UNC5D: variants seen among roughly 807,000 people sequenced by gnomAD.
UNC5D encodes the protein unc-5 netrin receptor D, also known as netrin receptor UNC5D.
UNC5D carries 39 observed loss-of-function variants against 105.4 expected under a neutral mutation model. That is an observed-to-expected ratio of 0.37 (90% confidence interval 0.29 to 0.48). The LOEUF is 0.48. Among genes scored for constraint, UNC5D ranks in the 20% least tolerant of loss-of-function variants. UNC5D has a pLI of 0.98. For missense variants in UNC5D, 991 were observed against 1,202.4 expected (o/e 0.82, Z 2.60); for synonymous variants, 452 against 450.4 (o/e 1.00, Z -0.04).
intron 2 of UNC5D, among the ~76,000 whole-genome samples, chr8:35,567,192 T>C (rs1817409733): frequency 6.6e-6 from 1 of 152,144 alleles, no homozygotes; most frequent in East Asian, 1.9e-4. Flanking sequence ...CTCATACCAT[T>C]GCTATGGGGG....
At chr8:35,745,255 T>A (rs1829944771) in intron 11 of UNC5D, among the ~76,000 whole-genome samples, 1 of 152,078 alleles carries the variant, frequency 6.6e-6, no homozygotes, top group Non-Finnish European at 1.5e-5. Flanking sequence ...TCAGTAGATG[T>A]CAGTTAAGCA....
intron 8 of UNC5D, among the ~76,000 whole-genome samples, chr8:35,715,043 C>T (rs530347728): frequency 2.0e-5 from 3 of 152,154 alleles, no homozygotes; most frequent in East Asian, 1.9e-4. Flanking sequence ...TCCAGCTGCT[C>T]GGGAGGCTGA....
chr8:35,548,141 A>G (rs184348625), intron 1 of UNC5D, among the ~76,000 whole-genome samples: 299 of 152,256 alleles, frequency 2.0e-3, no homozygotes, highest in African/African-American at 6.8e-3. Context: ...TCAAATGTTA[A>G]TTTGACATTT....
intron 3 of UNC5D, among the ~76,000 whole-genome samples, chr8:35,588,789 C>A (rs1440187954): frequency 1.3e-5 from 2 of 152,094 alleles, no homozygotes; most frequent in African/African-American, 4.8e-5. Flanking sequence ...GACTGTAATC[C>A]CAGCACTTTG....
chr8:35,650,724 G>A (rs914421864), intron 4 of UNC5D, among the ~76,000 whole-genome samples: 5 of 152,092 alleles, frequency 3.3e-5, no homozygotes, highest in Middle Eastern at 3.4e-3. Context: ...CGCCCACCTC[G>A]GCCTCCCAAA....
At chr8:35,345,337 GA>G (rs777977990) in intron 1 of UNC5D, among the ~76,000 whole-genome samples, 1 of 151,538 alleles carries the variant, frequency 6.6e-6, no homozygotes, top group Admixed American at 6.6e-5. Flanking sequence ...CAGAAATGTG[GA>G]AAAAAAAGTG....
chr8:35,373,577 A>AAGCTG (rs1469875945), intron 1 of UNC5D, among the ~76,000 whole-genome samples: 1 of 152,168 alleles, frequency 6.6e-6, no homozygotes, highest in Admixed American at 6.5e-5. Context: ...TGGTGCGATA[A>AAGCTG]AGCTGACAAT....
chr8:35,421,059 C>T (rs1158083801), intron 1 of UNC5D, among the ~76,000 whole-genome samples: 1 of 152,154 alleles, frequency 6.6e-6, no homozygotes, highest in Non-Finnish European at 1.5e-5. Context: ...TCTCCATTCC[C>T]TCCATCCATT....
chr8:35,723,798 A>T (rs944789584), intron 9 of UNC5D, among the ~76,000 whole-genome samples: 6 of 152,156 alleles, frequency 3.9e-5, no homozygotes, highest in African/African-American at 1.4e-4. Context: ...TTGAAAACAG[A>T]TGAGCTGTAT....
At chr8:35,507,580 A>C (rs1345445012) in intron 1 of UNC5D, among the ~76,000 whole-genome samples, 1 of 151,710 alleles carries the variant, frequency 6.6e-6, no homozygotes, top group Non-Finnish European at 1.5e-5. Flanking sequence ...GATAGAGAGC[A>C]GAAGGATGGT....
chr8:35,399,551 G>T (rs1339990307), intron 1 of UNC5D, among the ~76,000 whole-genome samples: 1 of 152,064 alleles, frequency 6.6e-6, no homozygotes, highest in East Asian at 1.9e-4. Context: ...TCATTTATAA[G>T]CCAGTTTCTA....
chr8:35,767,504 A>G (rs1801825371), intron 15 of UNC5D, among the ~76,000 whole-genome samples: 1 of 152,100 alleles, frequency 6.6e-6, no homozygotes. Context: ...CAGTTGCCCT[A>G]TATGTGCTAT....
At chr8:35,789,855 C>G (rs981274328) in intron 16 of UNC5D, among the ~76,000 whole-genome samples, 3 of 150,350 alleles carry the variant, frequency 2.0e-5, no homozygotes, top group Non-Finnish European at 4.4e-5. Context: ...ATGACATAAA[C>G]TAATGAAATA....
At chr8:35,313,857 G>A (rs546175373) in intron 1 of UNC5D, among the ~76,000 whole-genome samples, 30 of 152,292 alleles carry the variant, frequency 2.0e-4, no homozygotes, top group African/African-American at 7.0e-4. Flanking sequence ...AGAGCAGTGT[G>A]TGACACATGG....
intron 1 of UNC5D, among the ~76,000 whole-genome samples, chr8:35,370,322 CAGAT>C (rs1427435156): frequency 6.6e-6 from 1 of 152,154 alleles, no homozygotes; most frequent in African/African-American, 2.4e-5. Flanking sequence ...TTTGTAGTAA[CAGAT>C]GGATTTGAAC....
At chr8:35,721,673 A>G (rs1386274535) in intron 8 of UNC5D, among the ~76,000 whole-genome samples, 3 of 152,150 alleles carry the variant, frequency 2.0e-5, no homozygotes, top group Non-Finnish European at 4.4e-5. Flanking sequence ...TTTAATCTGA[A>G]TGATTTGTAC....
chr8:35,462,759 G>C (rs890494389), intron 1 of UNC5D, among the ~76,000 whole-genome samples: 1 of 152,152 alleles, frequency 6.6e-6, no homozygotes, highest in Non-Finnish European at 1.5e-5. Flanking sequence ...ACCCAAAGGA[G>C]TAAGAGCAAA....
intron 1 of UNC5D, among the ~76,000 whole-genome samples, chr8:35,442,885 T>TTTTC (rs1807511434): frequency 7.4e-6 from 1 of 135,574 alleles, no homozygotes; most frequent in African/African-American, 2.8e-5. Flanking sequence ...CTCTCTCTGT[T>TTTTC]TCTCTCTCTC....
intron 3 of UNC5D, among the ~76,000 whole-genome samples, chr8:35,585,763 T>C (rs1481056908): frequency 6.6e-6 from 1 of 151,502 alleles, no homozygotes; most frequent in Non-Finnish European, 1.5e-5. Context: ...ATAAAATGAA[T>C]ATAATATATA....
Sources: allele counts gnomAD v4.1 joint callset (sites outside exome capture counted in the v4.1 genomes callset), GRCh38; gene constraint gnomAD v4.1.1; transcripts MANE v1.5; gene names NCBI Gene and HGNC (gene_info 2026-07-23, HGNC 2026-07-21).